The following ARMH3 variants were observed in gnomAD, a reference collection of about 807,000 sequenced individuals.
The protein encoded by ARMH3 is armadillo like helical domain containing 3.
Under a neutral mutation model 99.1 loss-of-function variants are expected in ARMH3, and 60 were observed. The ratio of observed to expected loss-of-function variants is 0.61; its 90% CI spans 0.49 to 0.75. The LOEUF is 0.75. Among genes scored for constraint, ARMH3 ranks in the 30% least tolerant of loss-of-function variants. The pLI is 0.00. For missense variants in ARMH3, 679 were observed against 843.1 expected, an observed-to-expected ratio of 0.81 and a Z score of 2.41; for synonymous variants, 285 against 292.8, an observed-to-expected ratio of 0.97 and a Z score of 0.27.
At chr10:101,871,464 C>CCATAGGTCTAAACCATAT (rs1374097078) in intron 24 of ARMH3, among the ~76,000 whole-genome samples, 1 of 152,082 alleles carries the variant, frequency 6.6e-6, no homozygotes, top group Admixed American at 6.5e-5. Flanking sequence ...TAAATTTAGA[C>CCATAGGTCTAAACCATAT]GTATAGACCA....
At chr10:101,920,162 G>C (rs1284627829) in intron 23 of ARMH3, among the ~76,000 whole-genome samples, 5 of 152,230 alleles carry the variant, frequency 3.3e-5, no homozygotes, top group Admixed American at 2.0e-4. Flanking sequence ...TCACAGCCTA[G>C]TCAAGAGGAC....
At chr10:101,950,549 G>C (rs983887353) in intron 22 of ARMH3, among the ~76,000 whole-genome samples, 2 of 152,140 alleles carry the variant, frequency 1.3e-5, no homozygotes, top group African/African-American at 4.8e-5. Flanking sequence ...CAACCTAAAT[G>C]TCTACCAATT....
intron 23 of ARMH3, 21 bp downstream of exon 23, chr10:101,939,842 G>A (rs767190820): frequency 1.6e-5 from 25 of 1,605,874 alleles, no homozygotes; most frequent in Non-Finnish European, 2.1e-5. Flanking sequence ...AACTCTGCAA[G>A]AGATACTTCT....
rs566139652 is a variant in ARMH3, at chr10:101,995,763, A to C, written c.1151-408T>G. 2.0e-5 allele frequency among the ~76,000 whole-genome samples: 3 copies of C among 152,336 alleles called. No individual in the cohort carries two copies. In the South Asian group the frequency reaches 6.2e-4, roughly 32 times the overall value. ...GCACCACCTACCACAAAATCTAGAAAGATTTCATGACTGCTCATAGCAAAC... is the reference window on the plus strand; with the variant it reads ...GCACCACCTACCACAAAATCTAGAACGATTTCATGACTGCTCATAGCAAAC... On this transcript the variant is annotated intron_variant, in intron 15 of 25. Coordinates refer to ENST00000370033, the MANE Select transcript of ARMH3 (RefSeq NM_024541.3).
intron 24 of ARMH3, among the ~76,000 whole-genome samples, chr10:101,877,040 TC>T (rs1238168153): frequency 6.6e-6 from 1 of 151,910 alleles, no homozygotes; most frequent in Non-Finnish European, 1.5e-5. Flanking sequence ...AGACCTGGTC[TC>T]CACAAAAAAT....
At chr10:101,882,764 T>C (rs539333566) in intron 24 of ARMH3, among the ~76,000 whole-genome samples, 55 of 152,332 alleles carry the variant, frequency 3.6e-4, no homozygotes, top group Non-Finnish European at 5.3e-4. Context: ...CCCAAAGTGC[T>C]GGGATTACAG....
At position 101,954,277 on chromosome 10, in the gene ARMH3, T is replaced by C. The variant is rs191163988; in HGVS notation, c.1705+2320A>G. Among the ~76,000 whole-genome samples the C allele has an allele frequency of 1.8e-4, 28 of 152,342 alleles. No individual in the cohort carries two copies. The East Asian group carries it at 5.0e-3, about 27-fold the overall frequency. ...AGCTTTATTTATCATCGCTAAAAAC[T>C]GGAAACCTTCCAAATGTCCTTCACC... On this transcript the variant is annotated intron_variant, in intron 22 of 25. Coordinates refer to ENST00000370033, the MANE Select transcript of ARMH3 (RefSeq NM_024541.3).
intron 23 of ARMH3, among the ~76,000 whole-genome samples, chr10:101,937,219 T>G (rs544111220): frequency 2.6e-5 from 4 of 152,164 alleles, no homozygotes; most frequent in Admixed American, 6.5e-5. Flanking sequence ...AACTTGGACT[T>G]AGAAGACCTA....
chr10:102,052,382 C>T (rs942851466), intron 1 of ARMH3, among the ~76,000 whole-genome samples: 1 of 152,106 alleles, frequency 6.6e-6, no homozygotes, highest in African/African-American at 2.4e-5. Flanking sequence ...CACTGCCACA[C>T]CCGGCTCATT....
At chr10:101,872,479 T>G (rs904719749) in intron 24 of ARMH3, among the ~76,000 whole-genome samples, 8 of 151,242 alleles carry the variant, frequency 5.3e-5, no homozygotes, top group African/African-American at 1.9e-4. Flanking sequence ...GGTGGATCAC[T>G]TGAGGTGAGG....
rs2066940653 is a variant in ARMH3, at chr10:102,023,815, C to G, written c.508-66G>C. On this transcript the variant is annotated intron_variant, in intron 6 of 25. Coordinates refer to ENST00000370033, the MANE Select transcript of ARMH3 (RefSeq NM_024541.3). ...ATTCTGATATCTTGTGTAATCTCCT[C>G]CCCTAACATCTAAGAGAAACAAAAA... 9.2e-6 allele frequency: 13 copies of G among 1,409,900 alleles called. 1 individual carries two copies. In the Admixed American group the frequency reaches 2.4e-4, roughly 26 times the overall value. 87.3% of individuals were successfully genotyped at this position (1,409,900 alleles called of 1,614,324 possible). A position where few individuals can be genotyped will look rare whatever the true frequency, so the allele number is the denominator to read the frequency against.
chr10:102,015,726 G>A (rs1189083993), intron 8 of ARMH3, among the ~76,000 whole-genome samples: 1 of 152,178 alleles, frequency 6.6e-6, no homozygotes, highest in African/African-American at 2.4e-5. Context: ...TGATTTCCAA[G>A]CAAACGTTTG....
chr10:102,015,177 T>C (rs1162590295), intron 8 of ARMH3, among the ~76,000 whole-genome samples: 1 of 152,118 alleles, frequency 6.6e-6, no homozygotes, highest in Non-Finnish European at 1.5e-5. Context: ...CTCTCAACAT[T>C]TCTTCCTATA....
intron 24 of ARMH3, among the ~76,000 whole-genome samples, chr10:101,876,435 C>T (rs2067269418): frequency 1.3e-5 from 2 of 152,224 alleles, no homozygotes; most frequent in Non-Finnish European, 2.9e-5. Flanking sequence ...GGTAATTCAA[C>T]ACGGGATCTC....
At chr10:101,848,068 C>T (rs950683448) in intron 25 of ARMH3, among the ~76,000 whole-genome samples, 1 of 152,208 alleles carries the variant, frequency 6.6e-6, no homozygotes, top group Admixed American at 6.5e-5. Flanking sequence ...GATTTATTTA[C>T]ATTTTGGGGT....
chr10:101,897,465 A>C (rs2067865404), intron 23 of ARMH3, among the ~76,000 whole-genome samples: 2 of 152,218 alleles, frequency 1.3e-5, no homozygotes, highest in South Asian at 2.1e-4. Context: ...GAAGGAGCAA[A>C]AGTTGACACT....
At chr10:102,017,758 C>T (rs1215332554) in intron 8 of ARMH3, among the ~76,000 whole-genome samples, 1 of 152,112 alleles carries the variant, frequency 6.6e-6, no homozygotes, top group Non-Finnish European at 1.5e-5. Flanking sequence ...GGAGCTCTAC[C>T]CACCATTCAT....
At chr10:102,013,631 A>C (rs1198298729) in intron 9 of ARMH3, among the ~76,000 whole-genome samples, 1 of 152,216 alleles carries the variant, frequency 6.6e-6, no homozygotes, top group Non-Finnish European at 1.5e-5. Flanking sequence ...AAAAGAAGGA[A>C]TCTCCCATCA....
At chr10:101,947,700 T>G (rs1052634303) in intron 22 of ARMH3, among the ~76,000 whole-genome samples, 1 of 151,964 alleles carries the variant, frequency 6.6e-6, no homozygotes, top group African/African-American at 2.4e-5. Flanking sequence ...CTTGGGAGGC[T>G]GAGGCAGGAG....
Sources: allele counts gnomAD v4.1 joint callset (sites outside exome capture counted in the v4.1 genomes callset), GRCh38; gene constraint gnomAD v4.1.1; transcripts MANE v1.5; gene names NCBI Gene and HGNC (gene_info 2026-07-23, HGNC 2026-07-21).